The following PKHD1 variants were observed in gnomAD, a reference collection of about 807,000 sequenced individuals.
PKHD1 encodes the protein fibrocystin.
PKHD1 carries 291 observed loss-of-function variants against 412.0 expected under a neutral mutation model. The ratio of observed to expected loss-of-function variants is 0.71; its 90% CI spans 0.64 to 0.78. The LOEUF (loss-of-function observed/expected upper bound fraction) is 0.78. Ranked by LOEUF, PKHD1 falls within the 30% of genes least tolerant of loss-of-function variation. PKHD1 has a pLI of 0.00. For synonymous variants in PKHD1, 1,777 were observed against 1,821.5 expected (o/e 0.98, Z 0.62); for missense variants, 4,825 against 4,950.7 (o/e 0.97, Z 0.76).
intron 60 of PKHD1, among the ~76,000 whole-genome samples, chr6:51,670,783 A>G (rs1774806381): frequency 6.6e-6 from 1 of 151,052 alleles, no homozygotes; most frequent in South Asian, 2.1e-4. Context: ...TCTGTAAAGT[A>G]TTTTATTTCT....
At chr6:51,789,687 A>G (rs1426919712) in intron 53 of PKHD1, among the ~76,000 whole-genome samples, 1 of 152,212 alleles carries the variant, frequency 6.6e-6, no homozygotes, top group Admixed American at 6.5e-5. Context: ...CATTTCCACC[A>G]CATAATTCTC....
chr6:51,678,125 G>C (rs912737733), intron 60 of PKHD1, among the ~76,000 whole-genome samples: 1 of 152,122 alleles, frequency 6.6e-6, no homozygotes, highest in Non-Finnish European at 1.5e-5. Flanking sequence ...AACTCAGGAA[G>C]TACAGCTTAG....
chr6:51,923,863 T>C (rs1183400973), intron 37 of PKHD1, among the ~76,000 whole-genome samples: 1 of 152,270 alleles, frequency 6.6e-6, no homozygotes, highest in East Asian at 1.9e-4. Context: ...ATACCAGCTA[T>C]GTGTACACAA....
chr6:51,644,590 T>G (rs1769835537), intron 63 of PKHD1, among the ~76,000 whole-genome samples: 1 of 152,058 alleles, frequency 6.6e-6, no homozygotes, highest in East Asian at 1.9e-4. Context: ...GGCACATGAG[T>G]CATTTCTAAG....
intron 51 of PKHD1, among the ~76,000 whole-genome samples, chr6:51,831,492 T>A (rs1401262566): frequency 1.3e-5 from 2 of 152,226 alleles, no homozygotes; most frequent in East Asian, 1.9e-4. Context: ...TGGCTACATA[T>A]CATATTTTAA....
At chr6:51,998,227 A>T (rs1583803617) in intron 35 of PKHD1, among the ~76,000 whole-genome samples, 1 of 149,916 alleles carries the variant, frequency 6.7e-6, no homozygotes, top group Middle Eastern at 3.4e-3. Flanking sequence ...TCAACACAGA[A>T]AAAAAAAAAA....
chr6:51,861,060 G>A (rs1357252933), intron 48 of PKHD1, among the ~76,000 whole-genome samples: 3 of 152,078 alleles, frequency 2.0e-5, no homozygotes, highest in African/African-American at 4.8e-5. Flanking sequence ...TGATCCACCC[G>A]CCTCAGCCTC....
intron 60 of PKHD1, among the ~76,000 whole-genome samples, chr6:51,676,228 A>G (rs74909131): frequency 1.0e-5 from 1 of 98,710 alleles, no homozygotes; most frequent in Non-Finnish European, 2.0e-5. Context: ...TCTTTGCTAG[A>G]AAAAAAAAAA....
At chr6:51,783,652 G>T (rs1792399868) in intron 53 of PKHD1, among the ~76,000 whole-genome samples, 1 of 151,896 alleles carries the variant, frequency 6.6e-6, no homozygotes, top group African/African-American at 2.4e-5. Flanking sequence ...TGAAAGGGAT[G>T]GGCTCAGACA....
At chr6:51,657,228 C>T (rs943874990) in intron 61 of PKHD1, among the ~76,000 whole-genome samples, 21 of 151,954 alleles carry the variant, frequency 1.4e-4, no homozygotes, top group Admixed American at 1.3e-4. Flanking sequence ...GAAGACCCAA[C>T]TGACTGTGAT....
chr6:51,981,321 C>CCTA (rs1795155379), intron 35 of PKHD1, among the ~76,000 whole-genome samples: 1 of 16,274 alleles, frequency 6.1e-5, no homozygotes, highest in African/African-American at 1.6e-4. Context: ...CTCTCCCTCT[C>CCTA]CCTCTCCCTC....
At chr6:52,007,926 C>T (rs1229612058) in intron 35 of PKHD1, among the ~76,000 whole-genome samples, 1 of 152,172 alleles carries the variant, frequency 6.6e-6, no homozygotes, top group Non-Finnish European at 1.5e-5. Flanking sequence ...GAGCTAAACG[C>T]AGCCATAAGT....
chr6:51,932,922 T>C (rs1343200516), intron 37 of PKHD1, among the ~76,000 whole-genome samples: 2 of 152,136 alleles, frequency 1.3e-5, no homozygotes, highest in Non-Finnish European at 2.9e-5. Context: ...AGAGTCTGGA[T>C]AAAGAAAAAT....
chr6:51,691,047 T>C (rs1778094048), intron 60 of PKHD1, among the ~76,000 whole-genome samples: 1 of 151,890 alleles, frequency 6.6e-6, no homozygotes, highest in Admixed American at 6.6e-5. Context: ...AACAACCATA[T>C]GAAAAAAAGA....
intron 60 of PKHD1, chr6:51,682,224 T>C (rs1261671701): frequency 2.2e-6 from 1 of 456,064 alleles, no homozygotes; most frequent in East Asian, 7.0e-5. Flanking sequence ...AAGGGAACTC[T>C]TCTTTTGTCC....
chr6:51,974,507 AAAG>A (rs1794107798), intron 35 of PKHD1, among the ~76,000 whole-genome samples: 1 of 152,218 alleles, frequency 6.6e-6, no homozygotes, highest in Admixed American at 6.5e-5. Context: ...GAAGACACCC[AAAG>A]TATGTTTAGA....
chr6:51,692,745 TAA>T (rs1778328078), intron 60 of PKHD1, among the ~76,000 whole-genome samples: 1 of 150,786 alleles, frequency 6.6e-6, no homozygotes, highest in Admixed American at 6.6e-5. Flanking sequence ...TTTGAAAAGC[TAA>T]GTTTTCTTAT....
In PKHD1 at chr6:51,986,810, A is replaced by G. The variant is rs144893362; in HGVS notation, c.5751+23499T>C. 2.2e-4 allele frequency among the ~76,000 whole-genome samples: 33 copies of G among 152,372 alleles called. 1 individual carries two copies. The highest frequency in any genetic ancestry group is 1.7e-3 in the East Asian group (9 of 5,186). ...TAGGAAACTTTAAAACTGGAAAAATATATGACACCGCCAGGAGTTTTGTCC... is the reference window on the plus strand; with the variant it reads ...TAGGAAACTTTAAAACTGGAAAAATGTATGACACCGCCAGGAGTTTTGTCC... On this transcript the variant is annotated intron_variant, in intron 35 of 66. Coordinates refer to ENST00000371117, the MANE Select transcript of PKHD1 (RefSeq NM_138694.4).
chr6:51,858,092 A>C (rs1773577365), intron 48 of PKHD1, among the ~76,000 whole-genome samples: 1 of 152,196 alleles, frequency 6.6e-6, no homozygotes, highest in Non-Finnish European at 1.5e-5. Flanking sequence ...TAGAATCAGA[A>C]TGAACACAAA....
Sources: gnomAD v4.1 joint callset for allele counts (sites outside exome capture counted in the v4.1 genomes callset) on GRCh38, gnomAD v4.1.1 for gene constraint, MANE v1.5 for transcripts, NCBI Gene and HGNC (gene_info 2026-07-23, HGNC 2026-07-21) for gene names.